NTRK3: variants seen among roughly 807,000 people sequenced by gnomAD.
The protein encoded by NTRK3 is neurotrophic receptor tyrosine kinase 3, also known as NT-3 growth factor receptor.
A neutral mutation model predicts 91.7 loss-of-function variants in NTRK3; 24 were observed. The ratio of observed to expected loss-of-function variants is 0.26; its 90% CI spans 0.19 to 0.37. The LOEUF (loss-of-function observed/expected upper bound fraction) is 0.37, where lower values mean the gene tolerates loss of function less well. NTRK3 is among the 10% of genes least tolerant of loss of function. The probability of loss-of-function intolerance (pLI) is 1.00; values close to 1 mark genes in which losing one functional copy is unlikely to be tolerated. For synonymous variants in NTRK3, 483 were observed against 404.0 expected, an observed-to-expected ratio of 1.20 and a Z score of -2.34; for missense variants, 880 against 1,068.9, an observed-to-expected ratio of 0.82 and a Z score of 2.46.
chr15:87,867,616 G>A (rs2064718964), exon 19 of NTRK3: 1 of 229,156 alleles, frequency 4.4e-6, no homozygotes, highest in African/African-American at 2.2e-5. Flanking sequence ...ATTAAGCTAA[G>A]GACACTCAAG....
Position 87,862,792 on chromosome 15 carries a change from G to T in NTRK3, c.*14143C>A, listed in dbSNP as rs559145049. 7.4e-4 allele frequency: 171 copies of T among 229,792 alleles called. 1 individual carries two copies. In the East Asian group the frequency reaches 9.8e-3, roughly 13 times the overall value. The allele number at this position is 229,792 out of a possible 1,614,324, so 14.2% of individuals were successfully genotyped here. On this transcript the variant is annotated 3_prime_UTR_variant, in exon 19 of 19. Coordinates refer to ENST00000394480, the Ensembl canonical transcript of NTRK3. ...GTGATTGTTTAAGGCAAAAACAGCTGTTAAAGAGCACTCAGGGTTGAAGGG... is the reference window on the plus strand; with the variant it reads ...GTGATTGTTTAAGGCAAAAACAGCTTTTAAAGAGCACTCAGGGTTGAAGGG...
At chr15:88,014,393 C>G (rs1242491284) in intron 14 of NTRK3, among the ~76,000 whole-genome samples, 2 of 152,152 alleles carry the variant, frequency 1.3e-5, no homozygotes, top group African/African-American at 4.8e-5. Flanking sequence ...ATGTGTTTGG[C>G]CCTCAGTTTC....
chr15:87,861,432 C>T (rs1002765799), exon 19 of NTRK3: 6 of 205,812 alleles, frequency 2.9e-5, no homozygotes, highest in East Asian at 7.4e-5. Flanking sequence ...ATCATTTACA[C>T]GACAATAAAT....
chr15:88,041,853 T>A (rs1420991642), intron 13 of NTRK3, among the ~76,000 whole-genome samples: 2 of 143,378 alleles, frequency 1.4e-5, no homozygotes, highest in Non-Finnish European at 3.0e-5. Flanking sequence ...AAAAAAGGGC[T>A]TGTCGTCCTC....
intron 14 of NTRK3, among the ~76,000 whole-genome samples, chr15:87,975,366 A>G (rs1368852838): frequency 6.6e-6 from 1 of 152,150 alleles, no homozygotes; most frequent in Non-Finnish European, 1.5e-5. Context: ...AGATCCAGGG[A>G]GCGCCTGGCA....
exon 19 of NTRK3, chr15:87,876,715 A>AC: frequency 4.5e-6 from 1 of 223,482 alleles, no homozygotes. Context: ...TTAGATATAT[A>AC]AATATATATA....
At chr15:87,870,984 G>C (rs150801800) in exon 19 of NTRK3, 3,815 of 231,262 alleles carry the variant, frequency 0.016, 48 homozygotes, top group Non-Finnish European at 0.025. Context: ...ATGAAAGAAA[G>C]ATAGCCAAGC....
At chr15:88,093,822 G>A (rs2049282971) in intron 13 of NTRK3, among the ~76,000 whole-genome samples, 1 of 152,054 alleles carries the variant, frequency 6.6e-6, no homozygotes, top group South Asian at 2.1e-4. Context: ...TCAAGCGGGG[G>A]GGTTGCTATA....
intron 13 of NTRK3, among the ~76,000 whole-genome samples, chr15:88,122,059 C>T (rs527593873): frequency 2.1e-4 from 32 of 152,104 alleles, no homozygotes; most frequent in South Asian, 1.0e-3. Flanking sequence ...CTACACATAC[C>T]GACAGAGAGA....
intron 5 of NTRK3, among the ~76,000 whole-genome samples, chr15:88,174,078 G>T (rs1265631487): frequency 1.3e-5 from 2 of 152,210 alleles, no homozygotes; most frequent in Non-Finnish European, 2.9e-5. Context: ...AGGGAGGTGA[G>T]ATGGGGGAGT....
intron 3 of NTRK3, among the ~76,000 whole-genome samples, chr15:88,250,022 G>A (rs1230261476): frequency 6.6e-6 from 1 of 152,158 alleles, no homozygotes; most frequent in Admixed American, 6.5e-5. Flanking sequence ...TTCCCAACAA[G>A]CCAAACCCCA....
rs1054195881 is a variant in NTRK3, at chr15:88,233,229, A to G, written c.248+22677T>C. Reference sequence around the variant, plus strand: ...ACCGTAGAGCACATTGCCAATAAATAACCCCCCCGCCCCCAGTGTAATCTC... The same window carrying G: ...ACCGTAGAGCACATTGCCAATAAATGACCCCCCCGCCCCCAGTGTAATCTC... On this transcript the variant is annotated intron_variant, in intron 3 of 18. Transcript: ENST00000394480. The surrounding 1 kb of genome is among the most constrained non-coding windows in gnomAD (Gnocchi z 4.2). Among the ~76,000 whole-genome samples, 14 of 152,080 alleles carry G rather than the reference A, an allele frequency of 9.2e-5. No homozygotes were observed. The highest frequency in any genetic ancestry group is 2.7e-4 in the African/African-American group (11 of 41,386).
At chr15:88,236,345 G>A (rs1225589905) in intron 3 of NTRK3, among the ~76,000 whole-genome samples, 1 of 151,852 alleles carries the variant, frequency 6.6e-6, no homozygotes, top group African/African-American at 2.4e-5. Context: ...TTTCTATGAA[G>A]CTGTAGAAGA....
intron 14 of NTRK3, chr15:87,981,495 C>A: frequency 8.8e-7 from 1 of 1,136,696 alleles, no homozygotes. Flanking sequence ...TGTACCCACT[C>A]TGCTGTGCCT....
At chr15:87,928,891 G>GTA (rs2068552691) in intron 17 of NTRK3, 5 of 572,366 alleles carry the variant, frequency 8.7e-6, no homozygotes, top group Non-Finnish European at 1.2e-5. Context: ...ACATGTATGA[G>GTA]TATGTTTACA....
intron 14 of NTRK3, among the ~76,000 whole-genome samples, chr15:87,968,943 C>T (rs1229162304): frequency 3.3e-5 from 5 of 152,206 alleles, no homozygotes; most frequent in South Asian, 4.2e-4. Context: ...CCAGCTTTAC[C>T]ACCAATCCTT....
intron 13 of NTRK3, among the ~76,000 whole-genome samples, chr15:88,043,846 G>A (rs889468639): frequency 7.2e-5 from 11 of 152,100 alleles, no homozygotes; most frequent in Non-Finnish European, 1.5e-4. Flanking sequence ...TATAGGCACT[G>A]GCTGATATAA....
intron 13 of NTRK3, among the ~76,000 whole-genome samples, chr15:88,036,604 C>T (rs2079092127): frequency 6.6e-6 from 1 of 152,116 alleles, no homozygotes; most frequent in Non-Finnish European, 1.5e-5. Flanking sequence ...AGTCTCAAGC[C>T]GCAGGGCTGC....
intron 17 of NTRK3, among the ~76,000 whole-genome samples, chr15:87,887,317 G>T (rs1410169158): frequency 1.3e-5 from 2 of 152,134 alleles, no homozygotes; most frequent in African/African-American, 2.4e-5. Flanking sequence ...ATTTCAAGAA[G>T]CCTGTGATAC....
Sources: allele counts gnomAD v4.1 joint callset (sites outside exome capture counted in the v4.1 genomes callset), GRCh38; gene constraint gnomAD v4.1.1; non-coding constraint Gnocchi (gnomAD v3.1); transcripts MANE v1.5; gene names NCBI Gene and HGNC (gene_info 2026-07-23, HGNC 2026-07-21).